ADK: variants seen among roughly 807,000 people sequenced by gnomAD.
The protein encoded by ADK is N6,N6-dimethyladenosine kinase.
A neutral mutation model predicts 44.7 loss-of-function variants in ADK; 24 were observed. The observed-to-expected ratio is 0.54, with a 90% confidence interval of 0.39 to 0.76. The LOEUF is 0.76. ADK is among the 30% of genes least tolerant of loss of function. The pLI is 0.00. For synonymous variants in ADK, 128 were observed against 142.6 expected, an observed-to-expected ratio of 0.90 and a Z score of 0.73; for missense variants, 321 against 425.1, an observed-to-expected ratio of 0.76 and a Z score of 2.15.
chr10:74,541,800 C>CCCCG (rs1564782587), intron 7 of ADK, among the ~76,000 whole-genome samples: 1 of 134,568 alleles, frequency 7.4e-6, no homozygotes, highest in Non-Finnish European at 1.6e-5. Context: ...ACACACCCCC[C>CCCCG]CCCCCTAAAA....
chr10:74,541,323 A>AT (rs1849618925), intron 7 of ADK, among the ~76,000 whole-genome samples: 1 of 152,074 alleles, frequency 6.6e-6, no homozygotes, highest in Non-Finnish European at 1.5e-5. Flanking sequence ...CTTAACATTA[A>AT]TTTTTTTAGT....
chr10:74,657,083 G>A (rs1229333181), intron 9 of ADK, among the ~76,000 whole-genome samples: 3 of 143,478 alleles, frequency 2.1e-5, no homozygotes, highest in Non-Finnish European at 3.1e-5. Flanking sequence ...CAAATTTTTT[G>A]TAGAAACAGG....
chr10:74,371,569 A>G, intron 4 of ADK: 2 of 1,204,844 alleles, frequency 1.7e-6, no homozygotes, highest in Non-Finnish European at 2.4e-6. Flanking sequence ...CAAATGAAGG[A>G]GGAGGATGTC....
At chr10:74,296,421 C>T (rs1008871643) in intron 3 of ADK, among the ~76,000 whole-genome samples, 4 of 151,906 alleles carry the variant, frequency 2.6e-5, no homozygotes, top group African/African-American at 4.8e-5. Flanking sequence ...GGATGTTCAT[C>T]GTCTCATGAG....
intron 1 of ADK, among the ~76,000 whole-genome samples, chr10:74,182,613 C>G (rs1476285358): frequency 2.0e-5 from 3 of 152,134 alleles, no homozygotes; most frequent in East Asian, 1.9e-4. Flanking sequence ...AGGTGATTCT[C>G]CTGCCTTGGC....
At chr10:74,535,578 C>CTTTTTTTTTTTTTTTTTTTTTT (rs1564778885) in intron 7 of ADK, among the ~76,000 whole-genome samples, 1 of 147,754 alleles carries the variant, frequency 6.8e-6, no homozygotes. Context: ...GGTTTTGACC[C>CTTTTTTTTTTTTTTTTTTTTTT]TATTTTTTTT....
intron 9 of ADK, among the ~76,000 whole-genome samples, chr10:74,627,115 C>T (rs545310808): frequency 3.9e-5 from 6 of 152,142 alleles, no homozygotes; most frequent in African/African-American, 1.4e-4. Context: ...ACCTTAGGCC[C>T]TCATAGCATA....
chr10:74,363,773 T>C (rs944666688), intron 4 of ADK, among the ~76,000 whole-genome samples: 1 of 152,126 alleles, frequency 6.6e-6, no homozygotes, highest in African/African-American at 2.4e-5. Flanking sequence ...CACAGAATTA[T>C]TTTCAGACCA....
At chr10:74,229,709 A>G (rs1844682384) in intron 3 of ADK, among the ~76,000 whole-genome samples, 1 of 152,046 alleles carries the variant, frequency 6.6e-6, no homozygotes, top group Non-Finnish European at 1.5e-5. Flanking sequence ...GTATGCTCTT[A>G]AATTAATTGT....
chr10:74,686,779 C>A (rs902991043), intron 10 of ADK, among the ~76,000 whole-genome samples: 1 of 152,044 alleles, frequency 6.6e-6, no homozygotes, highest in African/African-American at 2.4e-5. Context: ...CGGGTTCAAG[C>A]GATTACCCTG....
rs112843472 is a variant in ADK, at chr10:74,356,924, T to G, written c.274-37217T>G. Reference sequence around the variant, plus strand: ...TGGAGACGTCCAAGGATAATAAAAATAAAAGACCTTCTCTTCCCCTTCCCA... The same window carrying G: ...TGGAGACGTCCAAGGATAATAAAAAGAAAAGACCTTCTCTTCCCCTTCCCA... On this transcript the variant is annotated intron_variant, in intron 4 of 10. Transcript: ENST00000539909. Among the ~76,000 whole-genome samples the G allele has an allele frequency of 5.2e-3, 794 of 152,242 alleles. 12 individuals are homozygous for G. Among genetic ancestry groups the G allele is most frequent in the African/African-American group, 0.017 (720 of 41,556 alleles).
intron 6 of ADK, among the ~76,000 whole-genome samples, chr10:74,456,765 C>T (rs1335038731): frequency 6.6e-6 from 1 of 150,830 alleles, no homozygotes; most frequent in Non-Finnish European, 1.5e-5. Context: ...AGAAATAAAG[C>T]AGTTCTTTGG....
intron 6 of ADK, among the ~76,000 whole-genome samples, chr10:74,486,350 T>C (rs1057230469): frequency 6.6e-6 from 1 of 152,092 alleles, no homozygotes; most frequent in Admixed American, 6.6e-5. Context: ...CTTTAGAAAA[T>C]ACCCAGTCTT....
chr10:74,361,070 G>T (rs1243850702), intron 4 of ADK, among the ~76,000 whole-genome samples: 1 of 152,070 alleles, frequency 6.6e-6, no homozygotes, highest in Non-Finnish European at 1.5e-5. Context: ...ACCATGCCTG[G>T]CTAATTTTTG....
chr10:74,470,024 CTT>C (rs372745779), intron 6 of ADK, among the ~76,000 whole-genome samples: 11 of 133,258 alleles, frequency 8.3e-5, no homozygotes, highest in Admixed American at 1.5e-4. Flanking sequence ...TATATACCAC[CTT>C]TTTTTTTTTT....
chr10:74,204,894 G>A (rs1344533300), intron 2 of ADK, among the ~76,000 whole-genome samples: 3 of 151,774 alleles, frequency 2.0e-5, no homozygotes, highest in African/African-American at 7.3e-5. Context: ...CCAAAAATTA[G>A]CCAGGTGTGA....
intron 1 of ADK, among the ~76,000 whole-genome samples, chr10:74,172,145 T>C (rs552981465): frequency 0.069 from 10,472 of 150,858 alleles, 1,286 homozygotes; most frequent in African/African-American, 0.24. Flanking sequence ...TTCTTTTTTT[T>C]TTTTTTTTTT....
At chr10:74,622,588 G>A (rs772764304) in intron 9 of ADK, among the ~76,000 whole-genome samples, 1 of 152,128 alleles carries the variant, frequency 6.6e-6, no homozygotes, top group Non-Finnish European at 1.5e-5. Context: ...GCTTATCTGT[G>A]TATTAAGGAA....
At position 74,261,206 on chromosome 10, in the gene ADK, C is replaced by T. The variant is rs375960909; in HGVS notation, c.194+36615C>T. Among the ~76,000 whole-genome samples, 32 of 152,256 alleles carry T rather than the reference C, an allele frequency of 2.1e-4. No individual in the cohort carries two copies. The East Asian group carries it at 5.8e-3, about 28-fold the overall frequency. On this transcript the variant is annotated intron_variant, in intron 3 of 10. Transcript: ENST00000539909. ...AAACAAATATTTGGTCCCCCTTTCC[C>T]ACCACATTATTTATAGCCTTGTTTA...
Sources: allele counts gnomAD v4.1 joint callset (sites outside exome capture counted in the v4.1 genomes callset), GRCh38; gene constraint gnomAD v4.1.1; transcripts MANE v1.5; gene names NCBI Gene and HGNC (gene_info 2026-07-23, HGNC 2026-07-21).